Variants in TF observed in about 807,000 individuals in gnomAD.
The protein encoded by TF is transferrin.
A neutral mutation model predicts 82.4 loss-of-function variants in TF; 55 were observed. The ratio of observed to expected loss-of-function variants is 0.67; its 90% confidence interval spans 0.54 to 0.84. TF has a LOEUF of 0.84. Among genes scored for constraint, TF ranks in the 40% least tolerant of loss-of-function variants. The probability of loss-of-function intolerance (pLI) is 0.00; values close to 1 mark genes in which losing one functional copy is unlikely to be tolerated. For synonymous variants in TF, 332 were observed against 332.6 expected (o/e 1.00, Z 0.02); for missense variants, 737 against 868.4 (o/e 0.85, Z 1.90).
upstream of TF, among the ~76,000 whole-genome samples, chr3:133,742,383 C>T (rs1933408788): frequency 6.6e-6 from 1 of 151,898 alleles, no homozygotes; most frequent in African/African-American, 2.4e-5. Context: ...GAATGGAAAC[C>T]TTGAGAATCT....
chr3:133,679,569 C>CTTTTTTTT, the TF span, among the ~76,000 whole-genome samples: 75 of 75,386 alleles, frequency 9.9e-4, 1 homozygote, highest in Non-Finnish European at 1.3e-3. Context: ...CTTTGTTTGG[C>CTTTTTTTT]TTTTTTTTTT....
chr3:133,754,926 G>A (rs1163713731), intron 4 of TF, among the ~76,000 whole-genome samples: 3 of 152,228 alleles, frequency 2.0e-5, no homozygotes, highest in Non-Finnish European at 4.4e-5. Flanking sequence ...GCAAGGCTCG[G>A]CAGAGGGTTT....
chr3:133,722,333 G>A, the TF span, among the ~76,000 whole-genome samples: 504 of 151,968 alleles, frequency 3.3e-3, 4 homozygotes, highest in African/African-American at 0.012. Context: ...GTCTCTTGTA[G>A]AGAGCACATA....
chr3:133,753,721 C>T lies in TF; in HGVS notation c.325+18C>T. ...AAAAGAGGGTAAGTTCTCCCTGGGA[C>T]CCCAGGAAGGAGTTGTCATCCTTAT... On this transcript the variant is annotated intron_variant, in intron 3 of 16. Coordinates refer to ENST00000402696, the MANE Select transcript of TF (RefSeq NM_001063.4). 2 of 1,586,226 alleles carry T rather than the reference C, an allele frequency of 1.3e-6. No homozygotes were observed. The highest frequency in any genetic ancestry group is 1.1e-5 in the South Asian group (1 of 90,498).
chr3:133,683,536 A>C, the TF span, among the ~76,000 whole-genome samples: 47,005 of 152,026 alleles, frequency 0.31, 7,674 homozygotes, highest in East Asian at 0.48. Flanking sequence ...ACAAAAAAAA[A>C]GCAGTGGTTG....
At chr3:133,719,542 A>C in the TF span, among the ~76,000 whole-genome samples, 1 of 152,118 alleles carries the variant, frequency 6.6e-6, no homozygotes, top group Non-Finnish European at 1.5e-5. Flanking sequence ...AAAGTCAGGT[A>C]CTGTGATACC....
chr3:133,679,569 C>CTTTTTTTTTTTTTTTGTTTT, the TF span, among the ~76,000 whole-genome samples: 1 of 75,382 alleles, frequency 1.3e-5, no homozygotes, highest in Non-Finnish European at 2.4e-5. Flanking sequence ...CTTTGTTTGG[C>CTTTTTTTTTTTTTTTGTTTT]TTTTTTTTTT....
At chr3:133,687,357 G>T in the TF span, among the ~76,000 whole-genome samples, 1 of 151,762 alleles carries the variant, frequency 6.6e-6, no homozygotes, top group Admixed American at 6.6e-5. Flanking sequence ...AAAAAAAAAA[G>T]ATACTGACTA....
chr3:133,746,569 A>G (rs1933507222), intron 1 of TF, 86 bp downstream of exon 1: 1 of 1,440,566 alleles, frequency 6.9e-7, no homozygotes, highest in Admixed American at 2.0e-5. Flanking sequence ...GCCTGCATGC[A>G]CTCCGCGCTC....
the TF span, among the ~76,000 whole-genome samples, chr3:133,663,459 A>G: frequency 6.6e-6 from 1 of 150,900 alleles, no homozygotes; most frequent in Admixed American, 6.6e-5. Context: ...CCTTAAAAGC[A>G]AAAAAACAAA....
the TF span, among the ~76,000 whole-genome samples, chr3:133,683,320 A>G: frequency 6.6e-6 from 1 of 152,332 alleles, no homozygotes; most frequent in East Asian, 1.9e-4. Context: ...ACCAGCTAAC[A>G]TCATAATGAC....
In TF at chr3:133,778,732, A is replaced by C; in HGVS notation, c.*112A>C. Reference sequence around the variant, plus strand: ...TTGTGCTAACCACGTCTGTCTTCACAGCTCTGTGTTGCCATGTGTGCTGAA... The same window carrying C: ...TTGTGCTAACCACGTCTGTCTTCACCGCTCTGTGTTGCCATGTGTGCTGAA... On this transcript the variant is annotated 3_prime_UTR_variant, in exon 17 of 17. Coordinates refer to ENST00000402696, the MANE Select transcript of TF (RefSeq NM_001063.4). 1.8e-6 allele frequency: 2 copies of C among 1,094,116 alleles called. No homozygotes were observed. Among genetic ancestry groups the C allele is most frequent in the Non-Finnish European group, 2.8e-6 (2 of 724,740 alleles). 67.8% of individuals were successfully genotyped at this position (1,094,116 alleles called of 1,614,324 possible). A position where few individuals can be genotyped will look rare whatever the true frequency, so the allele number is the denominator to read the frequency against.
chr3:133,695,113 T>A, the TF span, among the ~76,000 whole-genome samples: 3 of 152,218 alleles, frequency 2.0e-5, no homozygotes, highest in East Asian at 3.9e-4. Context: ...GGCAAAGCCC[T>A]GTTAGCCAGC....
Position 133,778,905 on chromosome 3 carries a change from C to A in TF, c.*285C>A. On this transcript the variant is annotated 3_prime_UTR_variant, in exon 17 of 17. Coordinates refer to ENST00000402696, the MANE Select transcript of TF (RefSeq NM_001063.4). ...CAGCTCAAGATTCGTCTGGTCTTTC[C>A]CTACAGCTTTGTGTGTGCCATGGCC... 2.7e-6 allele frequency: 1 copy of A among 374,510 alleles called. No individual in the cohort carries two copies. Among genetic ancestry groups the A allele is most frequent in the Admixed American group, 3.7e-5 (1 of 26,740 alleles). The allele number at this position is 374,510 out of a possible 1,614,324, so 23.2% of individuals were successfully genotyped here. A position where few individuals can be genotyped will look rare whatever the true frequency, so the allele number is the denominator to read the frequency against.
At chr3:133,704,501 G>A in the TF span, among the ~76,000 whole-genome samples, 1 of 152,176 alleles carries the variant, frequency 6.6e-6, no homozygotes. Context: ...ATAGACAAAG[G>A]AATCAGGCAG....
At chr3:133,719,510 C>T in the TF span, among the ~76,000 whole-genome samples, 5 of 152,082 alleles carry the variant, frequency 3.3e-5, no homozygotes, top group Non-Finnish European at 7.4e-5. Context: ...TGGTGTCTCC[C>T]TCCCACTCCT....
At chr3:133,680,596 A>C in the TF span, among the ~76,000 whole-genome samples, 12 of 149,652 alleles carry the variant, frequency 8.0e-5, no homozygotes, top group African/African-American at 2.7e-4. Context: ...AAAAGGCCTT[A>C]TCTTGACATT....
chr3:133,723,016 C>T, the TF span, among the ~76,000 whole-genome samples: 1 of 151,918 alleles, frequency 6.6e-6, no homozygotes, highest in Non-Finnish European at 1.5e-5. Flanking sequence ...TTTATTTCTT[C>T]TTCATTTCTG....
the TF span, among the ~76,000 whole-genome samples, chr3:133,739,208 A>G: frequency 6.6e-6 from 1 of 152,224 alleles, no homozygotes; most frequent in Non-Finnish European, 1.5e-5. Flanking sequence ...AAAACAAGCA[A>G]TGGGGAAAGG....
Sources: allele counts gnomAD v4.1 joint callset (sites outside exome capture counted in the v4.1 genomes callset), GRCh38; gene constraint gnomAD v4.1.1; transcripts MANE v1.5; gene names NCBI Gene and HGNC (gene_info 2026-07-23, HGNC 2026-07-21).